FRMPD1: variants seen among roughly 807,000 people sequenced by gnomAD.
FRMPD1 encodes FERM and PDZ domain containing 1.
FRMPD1 carries 76 observed loss-of-function variants against 117.8 expected under a neutral mutation model. The observed-to-expected ratio is 0.65, with a 90% CI of 0.54 to 0.78. The LOEUF (loss-of-function observed/expected upper bound fraction) is 0.78, where lower values mean the gene tolerates loss of function less well. Ranked by LOEUF, FRMPD1 falls within the 30% of genes least tolerant of loss-of-function variation. The probability of loss-of-function intolerance (pLI) is 0.00; values close to 1 mark genes in which losing one functional copy is unlikely to be tolerated. For synonymous variants in FRMPD1, 783 were observed against 770.4 expected (o/e 1.02, Z -0.27); for missense variants, 1,786 against 1,964.5 (o/e 0.91, Z 1.72).
At chr9:37,743,291 G>A (rs1824508090) in intron 15 of FRMPD1, among the ~76,000 whole-genome samples, 1 of 152,162 alleles carries the variant, frequency 6.6e-6, no homozygotes, top group Non-Finnish European at 1.5e-5. Context: ...TTATAAAAAT[G>A]CACTAATTCC....
At chr9:37,677,953 C>G (rs1177875523) in intron 1 of FRMPD1, among the ~76,000 whole-genome samples, 1 of 152,150 alleles carries the variant, frequency 6.6e-6, no homozygotes, top group Non-Finnish European at 1.5e-5. Context: ...CCCCACAGCC[C>G]CTGTACTTGG....
intron 12 of FRMPD1, among the ~76,000 whole-genome samples, chr9:37,734,750 A>T (rs1246198745): frequency 6.6e-6 from 1 of 152,192 alleles, no homozygotes; most frequent in African/African-American, 2.4e-5. Flanking sequence ...TCAGATAGTT[A>T]GGGGAAGGGG....
rs758885428 is a variant in FRMPD1 at position 37,744,718 on chromosome 9, C to T, written c.2686C>T (p.Leu896Phe). The change falls in exon 16 of 16, where the codon CTT (leucine) becomes TTT (phenylalanine). Residue 896 changes from leucine (L) to phenylalanine (F), a missense_variant. Transcript: ENST00000377765. ...SLQDMQGEPGLLETKALGLLA... is the reference protein window; with the variant it reads ...SLQDMQGEPGFLETKALGLLA... The stretch of plus-strand genomic sequence containing the variant: ...GCAGGACATGCAGGGTGAGCCTGGC[C>T]TTCTGGAGACCAAGGCCTTGGGGCT... 8 of 1,613,948 alleles carry T rather than the reference C, an allele frequency of 5.0e-6. No homozygotes were observed. The African/African-American group carries it at 6.7e-5, about 13-fold the overall frequency.
chr9:37,730,805 T>A (rs1823834055), intron 8 of FRMPD1, among the ~76,000 whole-genome samples, 179 bp from the exon 9 acceptor site: 1 of 152,158 alleles, frequency 6.6e-6, no homozygotes, highest in South Asian at 2.1e-4. Context: ...TTACATTTTG[T>A]ACCCAGGAAA....
At chr9:37,696,051 C>CTTTTTT (rs61521469) in intron 2 of FRMPD1, among the ~76,000 whole-genome samples, 19 of 78,108 alleles carry the variant, frequency 2.4e-4, no homozygotes, top group African/African-American at 4.1e-4. Context: ...CATTGTTTTG[C>CTTTTTT]TTTTTTTTTT....
chr9:37,725,374 C>T (rs74696160), intron 7 of FRMPD1, among the ~76,000 whole-genome samples: 6,767 of 152,278 alleles, frequency 0.044, 198 homozygotes, highest in South Asian at 0.081. Context: ...TCAGGAGGGC[C>T]AATGCAGCTA....
At position 37,678,348 on chromosome 9, in the gene FRMPD1, C is replaced by T. The variant is rs377717553; in HGVS notation, c.-4-14290C>T. On this transcript the variant is annotated intron_variant, in intron 1 of 15. Transcript: ENST00000377765. ...CAATCTCGGCTCACTGCAACCTCCA[C>T]CTCCCAGGTTCAAGTGATTCTCCTT... 2.1e-4 allele frequency among the ~76,000 whole-genome samples: 32 copies of T among 149,432 alleles called. No homozygotes were observed. In the East Asian group the frequency reaches 5.2e-3, roughly 24 times the overall value.
At chr9:37,705,606 T>C (rs1011908241) in intron 2 of FRMPD1, among the ~76,000 whole-genome samples, 1 of 152,212 alleles carries the variant, frequency 6.6e-6, no homozygotes, top group Non-Finnish European at 1.5e-5. Context: ...ATGTCAAATG[T>C]TGATTTTTGA....
chr9:37,616,328 G>T, the FRMPD1 span, among the ~76,000 whole-genome samples: 1 of 151,528 alleles, frequency 6.6e-6, no homozygotes, highest in African/African-American at 2.4e-5. Context: ...TGTTGGCCAG[G>T]CTGGTCTCAA....
chr9:37,722,179 T>A (rs959317709), intron 6 of FRMPD1, among the ~76,000 whole-genome samples: 1 of 152,098 alleles, frequency 6.6e-6, no homozygotes, highest in African/African-American at 2.4e-5. Context: ...AATATGAACA[T>A]CTTCCTTTTT....
At chr9:37,731,909 C>T (rs113412134) in intron 9 of FRMPD1, among the ~76,000 whole-genome samples, 23 of 152,054 alleles carry the variant, frequency 1.5e-4, no homozygotes, top group African/African-American at 5.1e-4. Flanking sequence ...AATCATTTGG[C>T]AGATATCACC....
chr9:37,685,952 TAACCTTAA>T (rs1821926656), intron 1 of FRMPD1, among the ~76,000 whole-genome samples: 1 of 152,268 alleles, frequency 6.6e-6, no homozygotes, highest in Non-Finnish European at 1.5e-5. Context: ...GAAGGGTTTA[TAACCTTAA>T]TTGTCTGTTT....
chr9:37,659,915 T>TGA (rs1491392413), intron 1 of FRMPD1, among the ~76,000 whole-genome samples: 8 of 103,614 alleles, frequency 7.7e-5, no homozygotes, highest in Non-Finnish European at 1.6e-4. Flanking sequence ...TTTCAAGCAC[T>TGA]AAAAAAAAAA....
At position 37,740,596 on chromosome 9, in the gene FRMPD1, A is replaced by T. The variant is rs1047010127; in HGVS notation, c.2068A>T (p.Ser690Cys). Residue 690 changes from serine to cysteine, a missense_variant, in exon 15 of 16, where the codon AGC becomes TGC. Transcript: ENST00000377765. This position sits in a 1 kb window ranked among gnomAD's most constrained non-coding sequence, Gnocchi z 4.2. ...GACATTTGGCTGGGCACCAGAACTGAGCACAGTCAGGCTGGACCCCAGGCT... is the reference window on the plus strand; with the variant it reads ...GACATTTGGCTGGGCACCAGAACTGTGCACAGTCAGGCTGGACCCCAGGCT... ...LETFGWAPEL[S>C]TVRLDPRLYE... is the part of the protein sequence containing the mutation. The T allele has an allele frequency of 6.2e-7, 1 of 1,614,180 alleles. No homozygotes were observed. The highest frequency in any genetic ancestry group is 1.1e-5 in the South Asian group (1 of 91,088).
intron 6 of FRMPD1, among the ~76,000 whole-genome samples, chr9:37,721,134 T>C (rs908478931): frequency 3.3e-5 from 5 of 152,148 alleles, no homozygotes; most frequent in African/African-American, 4.8e-5. Context: ...AGAGTTTTGG[T>C]TGGGGAGTTT....
the FRMPD1 span, among the ~76,000 whole-genome samples, chr9:37,625,954 G>A: frequency 2.0e-5 from 3 of 152,244 alleles, no homozygotes; most frequent in Non-Finnish European, 2.9e-5. Flanking sequence ...CGGGAGCGGC[G>A]GCTCACGCCT....
chr9:37,716,566 G>T (rs1823128912), intron 5 of FRMPD1, among the ~76,000 whole-genome samples: 1 of 152,172 alleles, frequency 6.6e-6, no homozygotes, highest in South Asian at 2.1e-4. Context: ...ATTCTTCCAG[G>T]ATTTATCTCC....
chr9:37,610,266 A>G, the FRMPD1 span, among the ~76,000 whole-genome samples: 8,958 of 152,232 alleles, frequency 0.059, 872 homozygotes, highest in African/African-American at 0.2. Flanking sequence ...AATCAGAGTC[A>G]TTGGGCTATC....
At chr9:37,641,474 T>C in the FRMPD1 span, among the ~76,000 whole-genome samples, 1 of 152,288 alleles carries the variant, frequency 6.6e-6, no homozygotes. Context: ...ATGAGAAAAC[T>C]GAGAGGTTAC....
Sources: gnomAD v4.1 joint callset for allele counts (sites outside exome capture counted in the v4.1 genomes callset) on GRCh38, gnomAD v4.1.1 for gene constraint, Gnocchi (gnomAD v3.1) non-coding constraint, MANE v1.5 for transcripts, NCBI Gene and HGNC (gene_info 2026-07-23, HGNC 2026-07-21) for gene names.